DNAJC24: variants seen among roughly 807,000 people sequenced by gnomAD.
DNAJC24 encodes the protein dnaJ homolog subfamily C member 24.
Under a neutral mutation model 18.0 loss-of-function variants are expected in DNAJC24, and 17 were observed. The observed-to-expected ratio is 0.94, with a 90% confidence interval of 0.65 to 1.42. The LOEUF is 1.42. Among genes scored for constraint, DNAJC24 ranks in the 40% most tolerant of loss-of-function variants. DNAJC24 has a pLI of 0.00. For missense variants in DNAJC24, 158 were observed against 175.6 expected, an observed-to-expected ratio of 0.90 and a Z score of 0.57; for synonymous variants, 55 against 57.7, an observed-to-expected ratio of 0.95 and a Z score of 0.21.
intron 2 of DNAJC24, among the ~76,000 whole-genome samples, chr11:31,400,407 C>A (rs558934814): frequency 2.1e-4 from 32 of 152,232 alleles, no homozygotes; most frequent in African/African-American, 7.7e-4. Context: ...AAAAAAAGAG[C>A]CTGTATAGTC....
chr11:31,422,047 C>A, intron 3 of DNAJC24: 1 of 393,860 alleles, frequency 2.5e-6, no homozygotes, highest in Non-Finnish European at 5.0e-6. Flanking sequence ...CCACAGAATT[C>A]TTTCACCTCT....
At chr11:31,412,524 G>T (rs1465278846) in intron 2 of DNAJC24, among the ~76,000 whole-genome samples, 1 of 152,118 alleles carries the variant, frequency 6.6e-6, no homozygotes, top group Non-Finnish European at 1.5e-5. Flanking sequence ...GAACTTTAAT[G>T]CAGCCAACTC....
chr11:31,370,891 A>AG (rs1952231772), intron 2 of DNAJC24, 32 bp downstream of exon 2: 1 of 1,430,816 alleles, frequency 7.0e-7, no homozygotes, highest in Admixed American at 2.1e-5. Context: ...TTAAATCATG[A>AG]GGGGAAAAAA....
intron 2 of DNAJC24, among the ~76,000 whole-genome samples, chr11:31,411,619 G>GC (rs1952710718): frequency 6.6e-6 from 1 of 152,138 alleles, no homozygotes. Flanking sequence ...CAGCATTTCA[G>GC]ATCTCTCTCT....
rs531372540 is a variant in DNAJC24, at chr11:31,423,330, G to A, written c.251-2957G>A. 6.6e-5 allele frequency among the ~76,000 whole-genome samples: 10 copies of A among 152,188 alleles called. No homozygotes were observed. In the East Asian group the frequency reaches 1.7e-3, roughly 27 times the overall value. On this transcript the variant is annotated intron_variant, in intron 3 of 4. Transcript: ENST00000465995. ...GGCTGGAGTGCAATGGCGGGATCTCGACTCACTGCAACCTCTGCCTCCTGG... is the reference window on the plus strand; with the variant it reads ...GGCTGGAGTGCAATGGCGGGATCTCAACTCACTGCAACCTCTGCCTCCTGG...
intron 2 of DNAJC24, among the ~76,000 whole-genome samples, chr11:31,376,474 T>C (rs1433988109): frequency 6.6e-6 from 1 of 152,194 alleles, no homozygotes; most frequent in Non-Finnish European, 1.5e-5. Flanking sequence ...GAGTAGTAAG[T>C]GTATAATTAG....
At position 31,430,487 on chromosome 11, in the gene DNAJC24, T is replaced by C. The variant is rs1952910922; in HGVS notation, c.*86T>C. On this transcript the variant is annotated 3_prime_UTR_variant, in exon 5 of 5. Coordinates refer to ENST00000465995, the MANE Select transcript of DNAJC24 (RefSeq NM_181706.5). ...GCTTTGTCCATTCAAGGAAATGGAT[T>C]ATTTGTCAGCCCGATTATTTGCAAA... is the stretch of plus-strand genomic sequence containing the variant. 14 of 1,224,910 alleles carry C rather than the reference T, an allele frequency of 1.1e-5. No individual in the cohort carries two copies. Among genetic ancestry groups the C allele is most frequent in the Non-Finnish European group, 1.4e-5 (13 of 909,638 alleles). The allele number at this position is 1,224,910 out of a possible 1,614,324, so 75.9% of individuals were successfully genotyped here. A position where few individuals can be genotyped will look rare whatever the true frequency, so the allele number is the denominator to read the frequency against.
Position 31,426,361 on chromosome 11 carries a change from A to ATT in DNAJC24, c.319+15_319+16dup. 14 of 1,418,304 alleles carry ATT rather than the reference A, an allele frequency of 9.9e-6. No individual in the cohort carries two copies. The highest frequency in any genetic ancestry group is 4.0e-5 in the South Asian group (3 of 74,136). 87.9% of individuals were successfully genotyped at this position (1,418,304 alleles called of 1,614,324 possible). On this transcript the variant is annotated splice_region_variant and intron_variant, in intron 4 of 4. Transcript: ENST00000465995. ...AGAAATGTCTTGGAATGAAGGTTGG[A>ATT]TTTTTTTTTTCTCTTGACAACATTT...
At chr11:31,390,904 C>G (rs531651680) in intron 2 of DNAJC24, among the ~76,000 whole-genome samples, 4 of 152,104 alleles carry the variant, frequency 2.6e-5, no homozygotes, top group African/African-American at 7.2e-5. Context: ...CAGACAAAGA[C>G]ACATCAAAAA....
chr11:31,430,489 T>C lies in DNAJC24; in HGVS notation c.*88T>C, dbSNP rs909416132. ...TTTGTCCATTCAAGGAAATGGATTA[T>C]TTGTCAGCCCGATTATTTGCAAAGA... is the stretch of plus-strand genomic sequence containing the variant. On this transcript the variant is annotated 3_prime_UTR_variant, in exon 5 of 5. Coordinates refer to ENST00000465995, the MANE Select transcript of DNAJC24 (RefSeq NM_181706.5). 5.0e-6 allele frequency: 6 copies of C among 1,202,490 alleles called. No homozygotes were observed. Among genetic ancestry groups the C allele is most frequent in the Admixed American group, 2.5e-5 (1 of 39,268 alleles). The allele number at this position is 1,202,490 out of a possible 1,614,324, so 74.5% of individuals were successfully genotyped here.
intron 2 of DNAJC24, among the ~76,000 whole-genome samples, chr11:31,395,034 C>T (rs1952532015): frequency 1.3e-5 from 2 of 152,140 alleles, no homozygotes; most frequent in Admixed American, 1.3e-4. Flanking sequence ...CTCTTCCCAC[C>T]CTCCACTCTC....
At chr11:31,396,243 C>T (rs1952541742) in intron 2 of DNAJC24, 1 of 452,740 alleles carries the variant, frequency 2.2e-6, no homozygotes, top group Admixed American at 2.4e-5. Flanking sequence ...TCCTGATTAT[C>T]TTCTTGCTTG....
intron 3 of DNAJC24, among the ~76,000 whole-genome samples, chr11:31,418,794 A>ATTT (rs1952776377): frequency 6.6e-6 from 1 of 152,086 alleles, no homozygotes. Context: ...GCTTAGGTAG[A>ATTT]TACAAGAGGT....
intron 2 of DNAJC24, among the ~76,000 whole-genome samples, chr11:31,371,671 A>G (rs371148288): frequency 1.3e-5 from 2 of 151,988 alleles, no homozygotes; most frequent in East Asian, 3.8e-4. Flanking sequence ...CATAATATGC[A>G]TGCATGTATT....
At chr11:31,376,360 G>C (rs959769379) in intron 2 of DNAJC24, among the ~76,000 whole-genome samples, 5 of 152,168 alleles carry the variant, frequency 3.3e-5, no homozygotes, top group Non-Finnish European at 7.4e-5. Context: ...CTTGGTTGAT[G>C]TATCAGTGGT....
intron 2 of DNAJC24, among the ~76,000 whole-genome samples, chr11:31,381,575 ATTTT>A (rs544064492): frequency 1.4e-5 from 2 of 142,230 alleles, no homozygotes; most frequent in Non-Finnish European, 3.1e-5. Flanking sequence ...TCAAAAAAAA[ATTTT>A]TTTTTTTTTT....
intron 2 of DNAJC24, among the ~76,000 whole-genome samples, chr11:31,410,639 T>C (rs1418509699): frequency 6.6e-6 from 1 of 152,224 alleles, no homozygotes; most frequent in Non-Finnish European, 1.5e-5. Context: ...TCTTGTTGCC[T>C]TTATGGATTA....
chr11:31,401,537 C>T (rs559689959), intron 2 of DNAJC24, among the ~76,000 whole-genome samples: 3 of 152,028 alleles, frequency 2.0e-5, no homozygotes, highest in African/African-American at 7.2e-5. Flanking sequence ...TCCCCTCCGC[C>T]CCCCCACTTC....
At chr11:31,410,709 G>T (rs1274666338) in intron 2 of DNAJC24, among the ~76,000 whole-genome samples, 3 of 152,266 alleles carry the variant, frequency 2.0e-5, no homozygotes, top group South Asian at 4.1e-4. Context: ...AAGGATTGAG[G>T]TTATTTTTTC....
Sources: gnomAD v4.1 joint callset for allele counts (sites outside exome capture counted in the v4.1 genomes callset) on GRCh38, gnomAD v4.1.1 for gene constraint, MANE v1.5 for transcripts, NCBI Gene and HGNC (gene_info 2026-07-23, HGNC 2026-07-21) for gene names.